The following SIRT1 variants were observed in gnomAD, a reference collection of about 807,000 sequenced individuals.
SIRT1 encodes the protein sirtuin 1.
SIRT1 carries 24 observed loss-of-function variants against 67.9 expected under a neutral mutation model. The observed-to-expected ratio is 0.35, with a 90% confidence interval of 0.26 to 0.50. The LOEUF (loss-of-function observed/expected upper bound fraction) is 0.50. Ranked by LOEUF, SIRT1 falls within the 20% of genes least tolerant of loss-of-function variation. The probability of loss-of-function intolerance (pLI) is 0.98; values close to 1 mark genes in which losing one functional copy is unlikely to be tolerated. For missense variants in SIRT1, 873 were observed against 937.2 expected, an observed-to-expected ratio of 0.93 and a Z score of 0.89; for synonymous variants, 378 against 350.7, an observed-to-expected ratio of 1.08 and a Z score of -0.87.
intron 4 of SIRT1, among the ~76,000 whole-genome samples, chr10:67,899,677 T>C (rs185984556): frequency 5.9e-5 from 9 of 152,310 alleles, no homozygotes; most frequent in African/African-American, 1.9e-4. Flanking sequence ...CAAAGAAGGC[T>C]GTGTAGCATT....
rs544417797 is a variant in SIRT1 at position 67,885,826 on chromosome 10, A to G, written c.430+675A>G. ...TATTCTAATCTTGCTCTTGTGCGGT[A>G]ATGGTGTTTGGGCTAAACATGCTTT... is the stretch of plus-strand genomic sequence containing the variant. On this transcript the variant is annotated intron_variant, in intron 1 of 8. Transcript: ENST00000212015. Among the ~76,000 whole-genome samples the G allele has an allele frequency of 1.5e-4, 23 of 152,186 alleles. 2 individuals are homozygous for G. The South Asian group carries it at 4.8e-3, about 32-fold the overall frequency.
intron 3 of SIRT1, among the ~76,000 whole-genome samples, chr10:67,890,667 A>G (rs1201045033): frequency 6.6e-6 from 1 of 152,090 alleles, no homozygotes; most frequent in Non-Finnish European, 1.5e-5. Context: ...GGAAAGGTTA[A>G]GGCCATAATG....
chr10:67,913,141 C>G (rs774833005), intron 8 of SIRT1, 110 bp downstream of exon 8: 246 of 1,083,906 alleles, frequency 2.3e-4, no homozygotes, highest in Non-Finnish European at 2.9e-4. Context: ...GTAGTTGATT[C>G]TGTTTAGAGA....
intron 3 of SIRT1, among the ~76,000 whole-genome samples, chr10:67,889,983 TTTTTC>T: frequency 6.6e-6 from 1 of 152,050 alleles, no homozygotes. Context: ...ACCTTTTTTT[TTTTTC>T]TTTTTTTTGG....
At chr10:67,885,436 C>T (rs1434210431) in intron 1 of SIRT1, 3 of 1,199,850 alleles carry the variant, frequency 2.5e-6, no homozygotes, top group African/African-American at 3.1e-5. Flanking sequence ...AAATAAGTTT[C>T]TCTCCCCCTC....
At position 67,916,595 on chromosome 10, in the gene SIRT1, G is replaced by A. The variant is rs200260415; in HGVS notation, c.*2G>A. 5.6e-6 allele frequency: 9 copies of A among 1,600,614 alleles called. No individual in the cohort carries two copies. The South Asian group carries it at 6.7e-5, about 12-fold the overall frequency. On this transcript the variant is annotated 3_prime_UTR_variant, in exon 9 of 9. Coordinates refer to ENST00000212015, the MANE Select transcript of SIRT1 (RefSeq NM_012238.5). ...AACTATCCATCAAACAAATCATAGT[G>A]TAATAATTGTGCAGGTACAGGAATT...
rs2029984221 is a variant in SIRT1, at chr10:67,918,179, GTT to G, written c.*1588_*1589del. The G allele has an allele frequency of 6.6e-6, 1 of 152,546 alleles. No homozygotes were observed. Among genetic ancestry groups the G allele is most frequent in the South Asian group, 2.1e-4 (1 of 4,832 alleles). The allele number at this position is 152,546 out of a possible 1,614,324, so 9.4% of individuals were successfully genotyped here. ...TATAGATGATATTTTAAATTGAAAA[GTT>G]TGTTTTAAATTATTTTTACAGTGAA... On this transcript the variant is annotated 3_prime_UTR_variant, in exon 9 of 9. Transcript: ENST00000212015.
chr10:67,887,829 G>T (rs1001659812), intron 2 of SIRT1, among the ~76,000 whole-genome samples: 8 of 152,188 alleles, frequency 5.3e-5, no homozygotes, highest in Non-Finnish European at 5.9e-5. Flanking sequence ...GTCCGCCTGG[G>T]CCTCCCAAAG....
chr10:67,887,290 G>A, intron 1 of SIRT1, 127 bp from the exon 2 acceptor site: 1 of 646,172 alleles, frequency 1.5e-6, no homozygotes, highest in Non-Finnish European at 2.8e-6. Flanking sequence ...GACCCCATAG[G>A]CATGCTTTAC....
chr10:67,906,419 T>A, intron 4 of SIRT1: 1 of 918,230 alleles, frequency 1.1e-6, no homozygotes. Flanking sequence ...TTGATATCTG[T>A]AATTTTAGTT....
At position 67,884,768 on chromosome 10, in the gene SIRT1, C is replaced by G; in HGVS notation, c.47C>G (p.Ser16Trp). 8.1e-7 allele frequency: 1 copy of G among 1,227,380 alleles called. No homozygotes were observed. The allele number at this position is 1,227,380 out of a possible 1,614,324, so 76.0% of individuals were successfully genotyped here. The part of the protein sequence containing the change: ...ALALQPGGSP[S>W]AAGADREAAS... Reference sequence around the variant, plus strand: ...GCCCTTCAGCCCGGCGGCTCCCCCTCGGCGGCGGGGGCCGACAGGGAGGCC... The same window carrying G: ...GCCCTTCAGCCCGGCGGCTCCCCCTGGGCGGCGGGGGCCGACAGGGAGGCC... Residue 16 changes from serine to tryptophan, a missense_variant, in exon 1 of 9, where the codon TCG becomes TGG. Around this residue, in one of 3 missense-constraint regions of SIRT1, gnomAD observed 327 missense variants for 283.9 expected, o/e 1.15. Coordinates refer to ENST00000212015, the MANE Select transcript of SIRT1 (RefSeq NM_012238.5).
chr10:67,898,553 A>G (rs1842694656), intron 4 of SIRT1, among the ~76,000 whole-genome samples: 1 of 152,242 alleles, frequency 6.6e-6, no homozygotes, highest in Non-Finnish European at 1.5e-5. Flanking sequence ...CAGTAAAAAG[A>G]AAATAGATGG....
chr10:67,915,282 A>G (rs2029879525), intron 8 of SIRT1, among the ~76,000 whole-genome samples: 1 of 152,184 alleles, frequency 6.6e-6, no homozygotes, highest in African/African-American at 2.4e-5. Flanking sequence ...GATACGGTAC[A>G]ATAAATACTA....
chr10:67,911,796 T>TATCCTCCCTCCC (rs1397508719), intron 7 of SIRT1, among the ~76,000 whole-genome samples: 1 of 40,706 alleles, frequency 2.5e-5, no homozygotes, highest in African/African-American at 1.0e-4. Flanking sequence ...CCCTCCCTCC[T>TATCCTCCCTCCC]ATCCTCCCTC....
intron 1 of SIRT1, 95 bp downstream of exon 1, chr10:67,885,246 G>T (rs901545448): frequency 1.6e-6 from 2 of 1,254,354 alleles, no homozygotes; most frequent in East Asian, 3.2e-5. Flanking sequence ...GGGGCTCGGG[G>T]CAGGCTCCGC....
chr10:67,918,389 T>A lies in SIRT1; in HGVS notation c.*1796T>A, dbSNP rs1373664767. 6.6e-6 allele frequency: 1 copy of A among 152,644 alleles called. No individual in the cohort carries two copies. Among genetic ancestry groups the A allele is most frequent in the African/African-American group, 2.4e-5 (1 of 41,464 alleles). The allele number at this position is 152,644 out of a possible 1,614,324, so 9.5% of individuals were successfully genotyped here. On this transcript the variant is annotated 3_prime_UTR_variant, in exon 9 of 9. Coordinates refer to ENST00000212015, the MANE Select transcript of SIRT1 (RefSeq NM_012238.5). ...GTCATTTGACTTTTTTCTGTTAACT[T>A]ACATTGTTTAAGGTATATAATTTTT... is the stretch of plus-strand genomic sequence containing the variant.
chr10:67,898,038 C>T (rs1159488619), intron 4 of SIRT1, among the ~76,000 whole-genome samples: 1 of 143,432 alleles, frequency 7.0e-6, no homozygotes, highest in African/African-American at 2.6e-5. Context: ...TGGGAGGCCA[C>T]AGCGGGCGGT....
intron 7 of SIRT1, 81 bp downstream of exon 7, chr10:67,909,523 C>A: frequency 1.8e-6 from 2 of 1,124,068 alleles, no homozygotes; most frequent in Non-Finnish European, 2.5e-6. Flanking sequence ...CGCTAGTAAT[C>A]TTAACTCTGC....
chr10:67,893,591 G>A (rs998725418), intron 4 of SIRT1, among the ~76,000 whole-genome samples: 1 of 146,490 alleles, frequency 6.8e-6, no homozygotes, highest in Non-Finnish European at 1.5e-5. Context: ...TTCCCAGGCT[G>A]GAGTGTAGTG....
Sources: gnomAD v4.1 joint callset for allele counts (sites outside exome capture counted in the v4.1 genomes callset) on GRCh38, gnomAD v4.1.1 for gene constraint, gnomAD v4.1.1 regional missense constraint, MANE v1.5 for transcripts, NCBI Gene and HGNC (gene_info 2026-07-23, HGNC 2026-07-21) for gene names.